The following FAM117B variants were observed in gnomAD, a reference collection of about 807,000 sequenced individuals.
FAM117B encodes the protein family with sequence similarity 117 member B, also known as protein FAM117B.
In FAM117B, 22 loss-of-function variants were observed where a neutral mutation model predicts 52.8. The ratio of observed to expected loss-of-function variants is 0.42; its 90% CI spans 0.30 to 0.59. The LOEUF (loss-of-function observed/expected upper bound fraction) is 0.59. Ranked by LOEUF, FAM117B falls within the 20% of genes least tolerant of loss-of-function variation. FAM117B has a pLI of 0.22. For missense variants in FAM117B, 678 were observed against 802.6 expected (o/e 0.84, Z 1.88); for synonymous variants, 309 against 324.1 (o/e 0.95, Z 0.50).
chr2:202,747,832 A>T (rs887106781), intron 4 of FAM117B, among the ~76,000 whole-genome samples: 2 of 152,182 alleles, frequency 1.3e-5, no homozygotes, highest in Admixed American at 1.3e-4. Context: ...AAGATATCCT[A>T]TGTTCATAGG....
chr2:202,635,170 C>T lies in FAM117B; in HGVS notation c.-18C>T, dbSNP rs1303715904. 1.6e-6 allele frequency: 2 copies of T among 1,266,506 alleles called. No homozygotes were observed. Among genetic ancestry groups the T allele is most frequent in the Non-Finnish European group, 2.0e-6 (2 of 1,004,804 alleles). 78.5% of individuals were successfully genotyped at this position (1,266,506 alleles called of 1,614,324 possible). ...CAAAACCCCCCGTCTCGCCCAGTCA[C>T]CGGGGAGGGGGGGGACCATGTCCCA... On this transcript the variant is annotated 5_prime_UTR_variant, in exon 1 of 8. Coordinates refer to ENST00000392238, the MANE Select transcript of FAM117B (RefSeq NM_173511.4).
chr2:202,764,922 C>T (rs1691953197), intron 7 of FAM117B, among the ~76,000 whole-genome samples: 1 of 152,118 alleles, frequency 6.6e-6, no homozygotes, highest in Non-Finnish European at 1.5e-5. Context: ...AAGAGAAAAG[C>T]CAGGCCTACC....
intron 1 of FAM117B, among the ~76,000 whole-genome samples, chr2:202,676,375 GTTT>G (rs71030983): frequency 2.2e-4 from 29 of 130,984 alleles, no homozygotes; most frequent in African/African-American, 7.4e-4. Flanking sequence ...AATATTCCTT[GTTT>G]TTTTTTTTTT....
chr2:202,717,525 C>G (rs1691078049), intron 2 of FAM117B, among the ~76,000 whole-genome samples: 2 of 152,070 alleles, frequency 1.3e-5, no homozygotes, highest in Non-Finnish European at 2.9e-5. Flanking sequence ...AGGGTGCACC[C>G]CAAGCTCAGT....
intron 4 of FAM117B, among the ~76,000 whole-genome samples, chr2:202,726,806 G>C (rs552143812): frequency 3.6e-4 from 55 of 151,906 alleles, no homozygotes; most frequent in Non-Finnish European, 7.2e-4. Flanking sequence ...GATGGGAGAG[G>C]GATAGCATTA....
intron 1 of FAM117B, among the ~76,000 whole-genome samples, chr2:202,687,172 G>A (rs1173103503): frequency 6.6e-6 from 1 of 152,182 alleles, no homozygotes; most frequent in Non-Finnish European, 1.5e-5. Context: ...ACACTATGCC[G>A]AGTGAATGAA....
chr2:202,651,625 G>T (rs1019914696), intron 1 of FAM117B, among the ~76,000 whole-genome samples: 2 of 150,770 alleles, frequency 1.3e-5, no homozygotes, highest in Non-Finnish European at 3.0e-5. Context: ...CCACCCGCCT[G>T]GGCCTCCCAA....
At chr2:202,764,369 A>G (rs764222662) in intron 7 of FAM117B, among the ~76,000 whole-genome samples, 5 of 151,838 alleles carry the variant, frequency 3.3e-5, no homozygotes, top group Non-Finnish European at 7.4e-5. Flanking sequence ...GGGCCAAGCT[A>G]TCCTCCCACC....
At chr2:202,654,094 A>AGAGAGT (rs1690016753) in intron 1 of FAM117B, among the ~76,000 whole-genome samples, 1 of 147,510 alleles carries the variant, frequency 6.8e-6, no homozygotes, top group Non-Finnish European at 1.5e-5. Context: ...AGAGAGAGAG[A>AGAGAGT]GAGTGAGAGT....
chr2:202,641,636 A>C lies in FAM117B; in HGVS notation c.601+5848A>C, dbSNP rs557170730. Among the ~76,000 whole-genome samples the C allele has an allele frequency of 3.4e-3, 437 of 128,266 alleles. 1 individual carries two copies. Among genetic ancestry groups the C allele is most frequent in the Admixed American group, 9.8e-3 (121 of 12,370 alleles). 84.1% of individuals were successfully genotyped at this position (128,266 alleles called of 152,430 possible). A position where few individuals can be genotyped will look rare whatever the true frequency, so the allele number is the denominator to read the frequency against. On this transcript the variant is annotated intron_variant, in intron 1 of 7. Transcript: ENST00000392238. The stretch of plus-strand genomic sequence containing the variant: ...TAGGAATCTCAATATTAGATATTTT[A>C]TTTTCTTTTTTTTTTTTTTTGAGAT...
chr2:202,652,974 A>G (rs1002573463), intron 1 of FAM117B, among the ~76,000 whole-genome samples: 1 of 152,168 alleles, frequency 6.6e-6, no homozygotes, highest in Non-Finnish European at 1.5e-5. Context: ...AAATAAAAAA[A>G]ACAAAACAGG....
intron 5 of FAM117B, among the ~76,000 whole-genome samples, chr2:202,756,453 G>C (rs1163951844): frequency 6.6e-6 from 1 of 151,920 alleles, no homozygotes; most frequent in Non-Finnish European, 1.5e-5. Context: ...AAAATTAACT[G>C]TTTTGGTTTA....
intron 7 of FAM117B, among the ~76,000 whole-genome samples, chr2:202,762,941 C>G (rs1033225460): frequency 4.0e-5 from 6 of 151,700 alleles, no homozygotes; most frequent in Non-Finnish European, 4.4e-5. Context: ...AAGGAAGTTA[C>G]ATGGTTTTTA....
At chr2:202,719,844 T>C (rs1691123194) in intron 2 of FAM117B, among the ~76,000 whole-genome samples, 1 of 152,178 alleles carries the variant, frequency 6.6e-6, no homozygotes, top group East Asian at 1.9e-4. Flanking sequence ...TTTCATGACA[T>C]TAATGTTTTT....
chr2:202,713,977 G>A (rs1574565806), intron 2 of FAM117B, among the ~76,000 whole-genome samples: 1 of 152,214 alleles, frequency 6.6e-6, no homozygotes, highest in Non-Finnish European at 1.5e-5. Context: ...CAAGTGCTAG[G>A]ATTACAGGTG....
intron 4 of FAM117B, among the ~76,000 whole-genome samples, chr2:202,732,518 A>G (rs1024593557): frequency 6.6e-6 from 1 of 152,150 alleles, no homozygotes; most frequent in Non-Finnish European, 1.5e-5. Flanking sequence ...ACATGCCTGA[A>G]CCTTGAAAAC....
At chr2:202,760,246 A>G (rs929435070) in intron 7 of FAM117B, among the ~76,000 whole-genome samples, 2 of 152,210 alleles carry the variant, frequency 1.3e-5, no homozygotes, top group Admixed American at 1.3e-4. Context: ...ATTTGTGAAC[A>G]TGTATCCAGT....
intron 2 of FAM117B, among the ~76,000 whole-genome samples, chr2:202,705,659 C>G (rs547697254): frequency 6.6e-6 from 1 of 152,316 alleles, no homozygotes; most frequent in East Asian, 1.9e-4. Flanking sequence ...TGCCCCCACA[C>G]TGCCTCCGTG....
chr2:202,663,090 A>G (rs1431027360), intron 1 of FAM117B, among the ~76,000 whole-genome samples: 1 of 152,238 alleles, frequency 6.6e-6, no homozygotes, highest in Non-Finnish European at 1.5e-5. Flanking sequence ...TTTCCACTTA[A>G]AATATTGGCA....
Sources: allele counts gnomAD v4.1 joint callset (sites outside exome capture counted in the v4.1 genomes callset), GRCh38; gene constraint gnomAD v4.1.1; transcripts MANE v1.5; gene names NCBI Gene and HGNC (gene_info 2026-07-23, HGNC 2026-07-21).